BECN1: variants seen among roughly 807,000 people sequenced by gnomAD.
The protein encoded by BECN1 is beclin 1, also known as beclin-1.
In BECN1, 15 loss-of-function variants were observed where a neutral mutation model predicts 60.1. The observed-to-expected ratio is 0.25, with a 90% CI of 0.17 to 0.38. The LOEUF (loss-of-function observed/expected upper bound fraction) is 0.38. Among genes scored for constraint, BECN1 ranks in the 10% least tolerant of loss-of-function variants. The probability of loss-of-function intolerance (pLI) is 1.00; values close to 1 mark genes in which losing one functional copy is unlikely to be tolerated. For synonymous variants in BECN1, 179 were observed against 201.8 expected (o/e 0.89, Z 0.96); for missense variants, 424 against 548.2 (o/e 0.77, Z 2.26).
intron 3 of BECN1, 147 bp from the exon 4 acceptor site, chr17:42,819,756 G>T: frequency 1.3e-6 from 1 of 766,874 alleles, no homozygotes. Context: ...TATTATCGAA[G>T]CAATCCTTGT....
At chr17:42,824,130 C>G in intron 1 of BECN1, 25 bp downstream of exon 1, 1 of 478,762 alleles carries the variant, frequency 2.1e-6, no homozygotes, top group South Asian at 3.8e-5. Flanking sequence ...TCTAAGGTCC[C>G]ACCTCAGCCC....
intron 10 of BECN1, chr17:42,812,000 T>C: frequency 1.8e-6 from 1 of 562,896 alleles, no homozygotes; most frequent in Non-Finnish European, 3.0e-6. Context: ...TGTTTCACTA[T>C]CAATGAAAAT....
At chr17:42,819,418 CT>C (rs1274252410) in intron 4 of BECN1, 129 bp downstream of exon 4, 1 of 999,458 alleles carries the variant, frequency 1.0e-6, no homozygotes, top group Non-Finnish European at 1.5e-6. Context: ...GGGAATACAT[CT>C]TTTCTGAAAG....
At position 42,824,215 on chromosome 17, in the gene BECN1, G is replaced by C; in HGVS notation, c.-63C>G. ...TACCGCGGAGGCACTGTGGCCTCGG[G>C]TCGGCCCCGGAGCGAGGCCTCCAGA... On this transcript the variant is annotated 5_prime_UTR_variant, in exon 1 of 12. Coordinates refer to ENST00000590099, the MANE Select transcript of BECN1 (RefSeq NM_001313998.2). 1 of 414,602 alleles carries C rather than the reference G, an allele frequency of 2.4e-6. No homozygotes were observed. Among genetic ancestry groups the C allele is most frequent in the South Asian group, 7.9e-5 (1 of 12,608 alleles). 25.7% of individuals were successfully genotyped at this position (414,602 alleles called of 1,614,324 possible).
intron 4 of BECN1, 135 bp from the exon 5 acceptor site, chr17:42,819,012 G>T: frequency 1.1e-6 from 1 of 890,218 alleles, no homozygotes; most frequent in South Asian, 1.7e-5. Context: ...TAGCCCGACT[G>T]ACCTCCCAAG....
At position 42,824,277 on chromosome 17, in the gene BECN1, C is replaced by G; in HGVS notation, c.-125G>C. 2 of 399,734 alleles carry G rather than the reference C, an allele frequency of 5.0e-6. No individual in the cohort carries two copies. Among genetic ancestry groups the G allele is most frequent in the Non-Finnish European group, 8.8e-6 (2 of 226,192 alleles). 24.8% of individuals were successfully genotyped at this position (399,734 alleles called of 1,614,324 possible). ...TCTGTCTTCAGCGACTTCCCGGTAG[C>G]CGCCGGAAAACTTCCGCCCGAGACC... is the stretch of plus-strand genomic sequence containing the variant. On this transcript the variant is annotated 5_prime_UTR_variant, in exon 1 of 12. Transcript: ENST00000590099.
chr17:42,822,063 C>T (rs916545817), intron 2 of BECN1, among the ~76,000 whole-genome samples: 18 of 152,092 alleles, frequency 1.2e-4, no homozygotes, highest in African/African-American at 3.9e-4. Flanking sequence ...ATTAGCTGGG[C>T]GTGGCGGTGT....
intron 1 of BECN1, 89 bp downstream of exon 1, chr17:42,824,066 C>A (rs374150907): frequency 3.6e-5 from 25 of 690,726 alleles, no homozygotes; most frequent in African/African-American, 2.5e-4. Context: ...CAGTTTAGAG[C>A]CCAGGGTCAG....
At chr17:42,820,969 T>C (rs551220596) in intron 2 of BECN1, 128 bp from the exon 3 acceptor site, 2 of 765,500 alleles carry the variant, frequency 2.6e-6, no homozygotes, top group Admixed American at 4.6e-5. Context: ...AAAGTACCAT[T>C]TACACCAAAA....
chr17:42,822,046 T>C (rs1301520361), intron 2 of BECN1, among the ~76,000 whole-genome samples: 1 of 152,036 alleles, frequency 6.6e-6, no homozygotes, highest in African/African-American at 2.4e-5. Context: ...CTACTAAAAA[T>C]ACAAAAATTA....
intron 9 of BECN1, 27 bp from the exon 10 acceptor site, chr17:42,814,035 G>A (rs753909800): frequency 6.7e-7 from 1 of 1,493,198 alleles, no homozygotes; most frequent in Non-Finnish European, 9.2e-7. Flanking sequence ...AACAGAGATG[G>A]ATACAGGACT....
At position 42,815,959 on chromosome 17, in the gene BECN1, T is replaced by G; in HGVS notation, c.779A>C (p.Gln260Pro). 6.2e-7 allele frequency: 1 copy of G among 1,614,220 alleles called. No homozygotes were observed. Among genetic ancestry groups the G allele is most frequent in the Non-Finnish European group, 8.5e-7 (1 of 1,180,038 alleles). ...VENQMRYAQT[Q>P]LDKLKKTNVF... ...GTTGGTTTTCTTCAGCTTATCCAGC[T>G]GCGTCTGGGCATAACGCATCTGGTT... is the stretch of plus-strand genomic sequence containing the variant. The change falls in exon 8 of 12, where the codon CAG becomes CCG. Residue 260 changes from glutamine (Q) to proline (P), a missense_variant. By Grantham distance (76) the Gln-to-Pro change is moderately conservative. Transcript: ENST00000590099.
At chr17:42,823,598 C>T in intron 2 of BECN1, 150 bp downstream of exon 2, 1 of 1,185,276 alleles carries the variant, frequency 8.4e-7, no homozygotes, top group Non-Finnish European at 1.2e-6. Context: ...TTTATGTTTC[C>T]AAGGAGAAAA....
chr17:42,818,395 T>A lies in BECN1; in HGVS notation c.509A>T (p.Glu170Val), dbSNP rs1170668763. ...TTCACTGTCATCCTCATTCATTTGC[T>A]CTAAGATCTCCAAACAGCGTCTGCC... ...QNYKRCLEIL[E>V]QMNEDDSEQL... The change falls in exon 7 of 12, where the codon GAG (glutamate) becomes GTG (valine). Residue 170 changes from glutamate to valine, a missense_variant. By Grantham distance (121) the Glu-to-Val change is moderately radical. Around this residue, in one of 3 missense-constraint regions of BECN1, gnomAD observed 326 missense variants for 406.2 expected, o/e 0.80. Coordinates refer to ENST00000590099, the MANE Select transcript of BECN1 (RefSeq NM_001313998.2). 1 of 1,614,078 alleles carries A rather than the reference T, an allele frequency of 6.2e-7. No homozygotes were observed. The highest frequency in any genetic ancestry group is 1.3e-5 in the African/African-American group (1 of 74,912).
At chr17:42,818,509 T>G in intron 6 of BECN1, 35 bp downstream of exon 6, 3 of 1,613,824 alleles carry the variant, frequency 1.9e-6, no homozygotes, top group South Asian at 1.1e-5. Flanking sequence ...CTCAGAGCAG[T>G]AACAGCTCTG....
At position 42,810,807 on chromosome 17, in the gene BECN1, G is replaced by C. The variant is rs557426928; in HGVS notation, c.1306C>G (p.Leu436Val). The C allele has an allele frequency of 6.2e-7, 1 of 1,613,754 alleles. No individual in the cohort carries two copies. Among genetic ancestry groups the C allele is most frequent in the African/African-American group, 1.3e-5 (1 of 75,046 alleles). ...TKALKFMLTN[L>V]KWGLAWVSSQ... ...GACACCCAAGCAAGACCCCACTTAA[G>C]ATTCGTCAGCATGAACTTGAGAGCT... is the stretch of plus-strand genomic sequence containing the variant. The change falls in exon 12 of 12, where the codon CTT (leucine) becomes GTT (valine). Residue 436 changes from leucine to valine, a missense_variant. Transcript: ENST00000590099.
chr17:42,820,445 A>G (rs1282555627), intron 3 of BECN1: 1 of 254,866 alleles, frequency 3.9e-6, no homozygotes, highest in Non-Finnish European at 7.7e-6. Context: ...GATGCAAATC[A>G]ATGCTCTAGA....
chr17:42,817,008 T>A (rs2055160908), intron 7 of BECN1, among the ~76,000 whole-genome samples: 1 of 151,540 alleles, frequency 6.6e-6, no homozygotes, highest in African/African-American at 2.4e-5. Flanking sequence ...ACAGTGGCTT[T>A]TTCCAGCTGG....
intron 10 of BECN1, 124 bp from the exon 11 acceptor site, chr17:42,811,921 G>T: frequency 8.5e-7 from 1 of 1,171,210 alleles, no homozygotes; most frequent in Non-Finnish European, 1.2e-6. Flanking sequence ...TTGTATTGTA[G>T]CTGGACTCTA....
Sources: gnomAD v4.1 joint callset for allele counts (sites outside exome capture counted in the v4.1 genomes callset) on GRCh38, gnomAD v4.1.1 for gene constraint, gnomAD v4.1.1 regional missense constraint, MANE v1.5 for transcripts, NCBI Gene and HGNC (gene_info 2026-07-23, HGNC 2026-07-21) for gene names.